DMD: variants seen among roughly 807,000 people sequenced by gnomAD.
DMD encodes dystrophin.
Under a neutral mutation model 330.1 loss-of-function variants are expected in DMD, and 63 were observed. That is an observed-to-expected ratio of 0.19 (90% CI 0.16 to 0.24). DMD has a LOEUF of 0.24. DMD is among the 10% of genes least tolerant of loss of function. The probability of loss-of-function intolerance (pLI) is 1.00; values close to 1 mark genes in which losing one functional copy is unlikely to be tolerated. For synonymous variants in DMD, 1,223 were observed against 959.8 expected, an observed-to-expected ratio of 1.27 and a Z score of -5.07; for missense variants, 3,344 against 2,684.1, an observed-to-expected ratio of 1.25 and a Z score of -5.43.
chrX:33,248,908 T>C (rs984485863), intron 1 of DMD, among the ~76,000 whole-genome samples: 8 of 112,362 alleles, frequency 7.1e-5, no homozygotes, highest in Non-Finnish European at 1.3e-4. Flanking sequence ...AAAATTATTT[T>C]TGGTATATAG....
Position 32,614,361 on chromosome X carries a change from T to G in DMD, c.1424A>C (p.Glu475Ala). The change falls in exon 12 of 79, where the codon GAG becomes GCG. Residue 475 changes from glutamate (E) to alanine (A), a missense_variant. Physicochemically the swap from Glu to Ala is moderately radical, Grantham distance 107. Transcript: ENST00000357033. The stretch of plus-strand genomic sequence containing the variant: ...AAGATCAGGTCCAAGAGGCTCTTCC[T>G]CCATTTTCCTTGTTCTTTCTTCTGT... The part of the protein sequence containing the change: ...TKTEERTRKM[E>A]EEPLGPDLED... 8.3e-7 allele frequency: 1 copy of G among 1,208,304 alleles called. No homozygotes were observed. The highest frequency in any genetic ancestry group is 1.1e-6 in the Non-Finnish European group (1 of 893,470).
At chrX:33,228,278 AGTGT>A (rs60369848) in intron 1 of DMD, among the ~76,000 whole-genome samples, 1,637 of 93,081 alleles carry the variant, frequency 0.018, 16 homozygotes, top group African/African-American at 0.043. Context: ...CCCAAGTTTA[AGTGT>A]GTGTGTGTGT....
intron 1 of DMD, among the ~76,000 whole-genome samples, chrX:33,099,655 T>C (rs886971987): frequency 8.9e-6 from 1 of 112,228 alleles, no homozygotes; most frequent in Admixed American, 9.5e-5. Flanking sequence ...TTGTTCCATA[T>C]CTATCTAGAA....
At chrX:32,180,842 C>T (rs971597718) in intron 44 of DMD, among the ~76,000 whole-genome samples, 1 of 110,690 alleles carries the variant, frequency 9.0e-6, no homozygotes, top group Non-Finnish European at 1.9e-5. Flanking sequence ...ATCAGGAGAA[C>T]AGCATGGGAG....
intron 55 of DMD, among the ~76,000 whole-genome samples, chrX:31,571,254 G>GGTGT (rs371098859): frequency 0.044 from 3,967 of 90,373 alleles, 101 homozygotes; most frequent in East Asian, 0.096. Flanking sequence ...GATTTAAAGG[G>GGTGT]GTGTGTGTGT....
chrX:32,829,006 T>C (rs755721348), intron 4 of DMD, among the ~76,000 whole-genome samples: 16 of 111,632 alleles, frequency 1.4e-4, no homozygotes, highest in Admixed American at 5.7e-4. Context: ...TCTTGGTAAA[T>C]AAGAGATAAC....
intron 2 of DMD, among the ~76,000 whole-genome samples, chrX:32,942,238 G>A (rs1569544502): frequency 8.9e-6 from 1 of 112,189 alleles, no homozygotes; most frequent in Admixed American, 9.5e-5. Flanking sequence ...AGATTACTGA[G>A]TGTAAGAAAA....
chrX:32,691,809 G>A (rs2063301569), intron 9 of DMD, among the ~76,000 whole-genome samples: 1 of 111,202 alleles, frequency 9.0e-6, no homozygotes, highest in Non-Finnish European at 1.9e-5. Context: ...ATACATACAA[G>A]AGATTACTAT....
At chrX:32,454,943 A>T (rs2098350403) in intron 25 of DMD, 111 bp from the exon 26 acceptor site, 1 of 931,003 alleles carries the variant, frequency 1.1e-6, no homozygotes, top group South Asian at 2.3e-5. Context: ...AATGATAAAG[A>T]AGTAAAAAGC....
chrX:31,886,991 G>A (rs756257238), intron 47 of DMD, among the ~76,000 whole-genome samples: 1 of 111,390 alleles, frequency 9.0e-6, no homozygotes, highest in East Asian at 2.8e-4. Flanking sequence ...CTATAATACA[G>A]GTAGTATTAT....
intron 54 of DMD, among the ~76,000 whole-genome samples, chrX:31,639,897 C>T (rs1414848405): frequency 9.1e-6 from 1 of 110,167 alleles, no homozygotes; most frequent in Non-Finnish European, 1.9e-5. Context: ...GTTTGAAAAC[C>T]ACCGATACAG....
chrX:32,331,030 C>T (rs1018039780), intron 41 of DMD, among the ~76,000 whole-genome samples: 2 of 111,717 alleles, frequency 1.8e-5, no homozygotes, highest in African/African-American at 6.5e-5. Flanking sequence ...GGAACCCTGT[C>T]CCCTAATTTT....
At chrX:32,583,069 C>T (rs2053834383) in intron 13 of DMD, among the ~76,000 whole-genome samples, 1 of 112,287 alleles carries the variant, frequency 8.9e-6, no homozygotes, top group Non-Finnish European at 1.9e-5. Context: ...TGCTTAAATT[C>T]TCTCCTGTCT....
intron 48 of DMD, among the ~76,000 whole-genome samples, chrX:31,850,987 G>T (rs191366895): frequency 8.9e-6 from 1 of 112,343 alleles, no homozygotes. Context: ...AATATGAAAT[G>T]GAATCAATAT....
intron 2 of DMD, among the ~76,000 whole-genome samples, chrX:32,973,719 C>T (rs758450220): frequency 8.9e-6 from 1 of 111,819 alleles, no homozygotes; most frequent in South Asian, 3.7e-4. Flanking sequence ...ATTTATTACT[C>T]ACAGCATCCA....
chrX:33,125,022 CTA>C (rs1491404345), intron 1 of DMD, among the ~76,000 whole-genome samples: 1 of 17,795 alleles, frequency 5.6e-5, no homozygotes, highest in African/African-American at 2.6e-4. Flanking sequence ...GAAAGTCCAT[CTA>C]AAAAAAAAAA....
chrX:33,032,541 T>A (rs1461482875), intron 1 of DMD, among the ~76,000 whole-genome samples: 1 of 111,915 alleles, frequency 8.9e-6, no homozygotes, highest in Admixed American at 9.5e-5. Flanking sequence ...TAAAATAAGC[T>A]GAAGAATGGG....
Position 32,930,998 on chromosome X carries a change from A to T in DMD, c.94-81178T>A, listed in dbSNP as rs184867686. 3.1e-3 allele frequency among the ~76,000 whole-genome samples: 329 copies of T among 107,652 alleles called. 5 individuals are homozygous for T. In the East Asian group the frequency reaches 0.058, roughly 19 times the overall value. The allele number at this position is 107,652 out of a possible 115,157, so 93.5% of individuals were successfully genotyped here. ...TATATATTATACATTTATTATATATATTATTTTATACTATATTAATACATA... is the reference window on the plus strand; with the variant it reads ...TATATATTATACATTTATTATATATTTTATTTTATACTATATTAATACATA... On this transcript the variant is annotated intron_variant, in intron 2 of 78. Coordinates refer to ENST00000357033, the MANE Select transcript of DMD (RefSeq NM_004006.3).
intron 53 of DMD, among the ~76,000 whole-genome samples, chrX:31,676,644 G>A (rs963005568): frequency 8.9e-6 from 1 of 111,885 alleles, no homozygotes; most frequent in African/African-American, 3.2e-5. Flanking sequence ...TCATCTACAA[G>A]AGTAATTGCT....
Sources: gnomAD v4.1 joint callset for allele counts (sites outside exome capture counted in the v4.1 genomes callset) on GRCh38, gnomAD v4.1.1 for gene constraint, MANE v1.5 for transcripts, NCBI Gene and HGNC (gene_info 2026-07-23, HGNC 2026-07-21) for gene names.